The following C16orf46 variants were observed in gnomAD, a reference collection of about 807,000 sequenced individuals.
C16orf46 encodes the protein uncharacterized protein C16orf46.
In C16orf46, 7 loss-of-function variants were observed where a neutral mutation model predicts 5.5. That is an observed-to-expected ratio of 1.28 (90% CI 0.73 to 2.40). C16orf46 has a LOEUF of 2.40. Ranked by LOEUF, C16orf46 falls within the 30% of genes most tolerant of loss-of-function variation. The pLI, the probability that C16orf46 is intolerant of heterozygous loss-of-function variation, is 0.00. For missense variants in C16orf46, 614 were observed against 476.0 expected (o/e 1.29, Z -2.70); for synonymous variants, 200 against 184.1 (o/e 1.09, Z -0.70).
chr16:81,060,001 G>T (rs1252390654), downstream of C16orf46, among the ~76,000 whole-genome samples: 1 of 151,842 alleles, frequency 6.6e-6, no homozygotes. Flanking sequence ...TGTTAGCCAG[G>T]ATGGTCTCGA....
intron 3 of C16orf46, among the ~76,000 whole-genome samples, chr16:81,054,832 G>A (rs1371826297): frequency 2.0e-5 from 3 of 148,658 alleles, no homozygotes; most frequent in Non-Finnish European, 4.5e-5. Flanking sequence ...ATTTTTAGTA[G>A]AGGCAGGGTT....
chr16:81,059,812 G>A (rs182598295), downstream of C16orf46, among the ~76,000 whole-genome samples: 202 of 148,160 alleles, frequency 1.4e-3, 4 homozygotes, highest in East Asian at 0.023. Flanking sequence ...TTTTTGAGAC[G>A]GGGTCTCACT....
At chr16:81,074,773 T>C (rs1336065544) in intron 1 of C16orf46, among the ~76,000 whole-genome samples, 1 of 152,144 alleles carries the variant, frequency 6.6e-6, no homozygotes, top group African/African-American at 2.4e-5. Flanking sequence ...AAAATTCCTG[T>C]CTTCTTTACT....
At chr16:81,072,730 C>A (rs1288871165) in intron 1 of C16orf46, among the ~76,000 whole-genome samples, 1 of 148,748 alleles carries the variant, frequency 6.7e-6, no homozygotes, top group African/African-American at 2.5e-5. Flanking sequence ...GAGACAGAGT[C>A]TCACTCTCTT....
intron 1 of C16orf46, among the ~76,000 whole-genome samples, chr16:81,068,565 A>T (rs371620868): frequency 2.2e-4 from 29 of 131,354 alleles, no homozygotes; most frequent in Non-Finnish European, 3.1e-4. Flanking sequence ...ATTTCTTTGT[A>T]TTTTTTTTTT....
At chr16:81,054,243 G>C (rs1336052540) in intron 3 of C16orf46, 2 of 478,196 alleles carry the variant, frequency 4.2e-6, no homozygotes, top group Non-Finnish European at 7.2e-6. Context: ...GATGAAACTA[G>C]TCTCTAAAAA....
chr16:81,069,617 T>C (rs1376033336), intron 1 of C16orf46, among the ~76,000 whole-genome samples: 1 of 152,242 alleles, frequency 6.6e-6, no homozygotes, highest in East Asian at 1.9e-4. Context: ...TTTTGGTGAC[T>C]GATCATACTG....
chr16:81,064,707 A>G (rs367677272), intron 2 of C16orf46, among the ~76,000 whole-genome samples: 1 of 150,148 alleles, frequency 6.7e-6, no homozygotes, highest in African/African-American at 2.5e-5. Context: ...AGATCACGCT[A>G]TTGCACTCCA....
chr16:81,057,473 C>T (rs148656869), downstream of C16orf46, among the ~76,000 whole-genome samples: 59 of 149,104 alleles, frequency 4.0e-4, no homozygotes, highest in East Asian at 3.2e-3. Context: ...TGCTTGAACC[C>T]GGGAGGCAGA....
intron 3 of C16orf46, among the ~76,000 whole-genome samples, chr16:81,054,520 G>GATATATATAT (rs368793022): frequency 2.0e-5 from 3 of 151,352 alleles, no homozygotes; most frequent in African/African-American, 7.3e-5. Context: ...TTGGTAACGT[G>GATATATATAT]ATATATATAT....
At chr16:81,054,277 ACAAC>A (rs778923881) in intron 3 of C16orf46, among the ~76,000 whole-genome samples, 5,353 of 82,046 alleles carry the variant, frequency 0.065, 332 homozygotes, top group African/African-American at 0.14. Context: ...AACAACAACA[ACAAC>A]AAAAAAAAAC....
At chr16:81,059,311 ACT>A (rs1256366101), downstream of C16orf46, among the ~76,000 whole-genome samples, 9 of 121,086 alleles carry the variant, frequency 7.4e-5, no homozygotes, top group African/African-American at 2.9e-4. Flanking sequence ...ACAGAGCGAG[ACT>A]CTGTCTCAAA....
intron 1 of C16orf46, among the ~76,000 whole-genome samples, chr16:81,070,707 G>C (rs1381295412): frequency 6.6e-6 from 1 of 152,128 alleles, no homozygotes; most frequent in South Asian, 2.1e-4. Context: ...TTATTTTTGA[G>C]ACGCAGTTTT....
chr16:81,074,686 T>C (rs1355037931), intron 1 of C16orf46, among the ~76,000 whole-genome samples: 3 of 152,044 alleles, frequency 2.0e-5, no homozygotes, highest in African/African-American at 7.2e-5. Context: ...CCCAACCCTA[T>C]AACTCAATCT....
chr16:81,062,482 G>A (rs1034688928), intron 3 of C16orf46, among the ~76,000 whole-genome samples: 3 of 152,284 alleles, frequency 2.0e-5, no homozygotes, highest in African/African-American at 7.2e-5. Context: ...ACTTTGATGT[G>A]CTGACTATAT....
At chr16:81,074,668 C>T (rs1039806416) in intron 1 of C16orf46, among the ~76,000 whole-genome samples, 14 of 152,160 alleles carry the variant, frequency 9.2e-5, no homozygotes, top group African/African-American at 2.9e-4. Context: ...CAGGCATGAG[C>T]CACCACACCC....
Position 81,061,681 on chromosome 16 carries a change from T to C in C16orf46, c.668A>G (p.Asp223Gly). 6.2e-7 allele frequency: 1 copy of C among 1,614,126 alleles called. No individual in the cohort carries two copies. The highest frequency in any genetic ancestry group is 8.5e-7 in the Non-Finnish European group (1 of 1,180,026). Residue 223 changes from aspartate (D) to glycine (G), a missense_variant, in exon 4 of 4, where the codon GAT (aspartate) becomes GGT (glycine). By Grantham distance (94) the Asp-to-Gly change is moderately conservative. Transcript: ENST00000299578. ...GTTCTTACTCTTCTTACCCAGAACA[T>C]CCAAAGCATTTGAAAGTGAAGCCTT... ...PLKASLSNAL[D>G]VLGKKSKNSF...
At position 81,068,964 on chromosome 16, in the gene C16orf46, A is replaced by G. The variant is rs538852158; in HGVS notation, c.-127-2683T>C. ...AGGTGATCACCCGCCTCGGCCTCCC[A>G]AAGTGCTGGGATTATAAACGTAAGC... On this transcript the variant is annotated intron_variant, in intron 1 of 3. Coordinates refer to ENST00000299578, the MANE Select transcript of C16orf46 (RefSeq NM_152337.3). 3.9e-5 allele frequency among the ~76,000 whole-genome samples: 6 copies of G among 152,244 alleles called. No homozygotes were observed. The South Asian group carries it at 1.2e-3, about 32-fold the overall frequency.
intron 2 of C16orf46, among the ~76,000 whole-genome samples, chr16:81,065,142 T>C (rs967191626): frequency 1.3e-5 from 2 of 152,192 alleles, no homozygotes. Flanking sequence ...CCTTGAGCGA[T>C]GACTTACTTT....
Sources: allele counts gnomAD v4.1 joint callset (sites outside exome capture counted in the v4.1 genomes callset), GRCh38; gene constraint gnomAD v4.1.1; transcripts MANE v1.5; gene names NCBI Gene and HGNC (gene_info 2026-07-23, HGNC 2026-07-21).